Variants in NLRC5 observed in about 807,000 individuals in gnomAD.
NLRC5 encodes the protein NLR family CARD domain containing 5.
In NLRC5, 114 loss-of-function variants were observed where a neutral mutation model predicts 206.9. The observed-to-expected ratio is 0.55, with a 90% CI of 0.47 to 0.64. The LOEUF (loss-of-function observed/expected upper bound fraction) is 0.64, where lower values mean the gene tolerates loss of function less well. NLRC5 is among the 30% of genes least tolerant of loss of function. The probability of loss-of-function intolerance (pLI) is 0.00; values close to 1 mark genes in which losing one functional copy is unlikely to be tolerated. For synonymous variants in NLRC5, 952 were observed against 962.8 expected, an observed-to-expected ratio of 0.99 and a Z score of 0.21; for missense variants, 2,008 against 2,305.5, an observed-to-expected ratio of 0.87 and a Z score of 2.64.
chr16:57,018,817 AC>A (rs1860156791), intron 2 of NLRC5, among the ~76,000 whole-genome samples: 1 of 152,240 alleles, frequency 6.6e-6, no homozygotes, highest in South Asian at 2.1e-4. Context: ...ACCAGAAAGT[AC>A]ATCCGGAAAT....
chr16:57,060,024 G>GTTATTATTATTATTATTA (rs3995823), intron 30 of NLRC5, among the ~76,000 whole-genome samples: 1 of 144,884 alleles, frequency 6.9e-6, no homozygotes, highest in Admixed American at 6.9e-5. Flanking sequence ...TATTGTAACT[G>GTTATTATTATTATTATTA]TTATTATTAT....
chr16:57,056,387 C>A (rs2065662176), intron 27 of NLRC5, among the ~76,000 whole-genome samples: 1 of 151,636 alleles, frequency 6.6e-6, no homozygotes, highest in Non-Finnish European at 1.5e-5. Flanking sequence ...AACTCCTGGG[C>A]TCAAGCGATC....
intron 1 of NLRC5, chr16:57,013,579 A>G (rs1425595171): frequency 2.1e-5 from 23 of 1,108,412 alleles, no homozygotes; most frequent in Non-Finnish European, 2.9e-5. Flanking sequence ...TAAGTACCCA[A>G]AGTTTCTCAA....
intron 43 of NLRC5, 62 bp downstream of exon 43, chr16:57,078,082 G>GC (rs1251963025): frequency 2.3e-6 from 3 of 1,283,066 alleles, no homozygotes; most frequent in African/African-American, 3.1e-5. Context: ...CGGGAGCAGT[G>GC]GGGGGGTCCA....
rs184159946 is a variant in NLRC5, at chr16:57,063,761, C to T, written c.4155-1451C>T. On this transcript the variant is annotated intron_variant, in intron 32 of 48. Transcript: ENST00000688547. The stretch of plus-strand genomic sequence containing the variant: ...CCAAAATAACTTTTTTTTTTTGAGA[C>T]GGAGTCTCGCTCTGTTGCCCAGGTT... Among the ~76,000 whole-genome samples, 608 of 151,640 alleles carry T rather than the reference C, an allele frequency of 4.0e-3. 1 individual carries two copies. The highest frequency in any genetic ancestry group is 0.017 in the South Asian group (82 of 4,814).
intron 8 of NLRC5, among the ~76,000 whole-genome samples, chr16:57,029,453 A>G (rs2061568198): frequency 6.6e-6 from 1 of 152,170 alleles, no homozygotes; most frequent in Non-Finnish European, 1.5e-5. Flanking sequence ...TCCCAGGCAC[A>G]TCCCAGGCAT....
chr16:57,061,913 C>T, intron 32 of NLRC5: 8 of 1,516,904 alleles, frequency 5.3e-6, no homozygotes, highest in Non-Finnish European at 7.0e-6. Context: ...GAGGCCTGTG[C>T]TTTGGGATTT....
At chr16:57,078,447 C>G (rs2068686418) in intron 43 of NLRC5, among the ~76,000 whole-genome samples, 2 of 149,204 alleles carry the variant, frequency 1.3e-5, no homozygotes, top group South Asian at 4.2e-4. Flanking sequence ...CCCCCAGAGT[C>G]CCAGAGTGCT....
chr16:57,028,255 C>G, intron 7 of NLRC5, 47 bp from the exon 8 acceptor site: 6 of 1,592,616 alleles, frequency 3.8e-6, no homozygotes, highest in Non-Finnish European at 5.2e-6. Flanking sequence ...CTGGCCCCGC[C>G]CTTTTCCCCT....
chr16:57,064,870 T>C (rs1300166538), intron 32 of NLRC5, among the ~76,000 whole-genome samples: 1 of 152,032 alleles, frequency 6.6e-6, no homozygotes, highest in East Asian at 1.9e-4. Context: ...GTTGCAGTGA[T>C]CTGAGATCAT....
At position 57,061,632 on chromosome 16, in the gene NLRC5, G is replaced by A. The variant is rs2066499615; in HGVS notation, c.4085G>A (p.Cys1362Tyr). Residue 1362 changes from cysteine (C) to tyrosine (Y), a missense_variant, in exon 32 of 49, where the codon TGC (cysteine) becomes TAC (tyrosine). Physicochemically the swap from Cys to Tyr is radical, Grantham distance 194. Transcript: ENST00000688547. ...QLTELTLTQC[C>Y]LGQKQLAILL... is the part of the protein sequence containing the mutation. ...TCTGTCTCCAGGCTGACCCAGTGCTGCCTGGGCCAGAAGCAGCTGGCCATC... is the reference window on the plus strand; with the variant it reads ...TCTGTCTCCAGGCTGACCCAGTGCTACCTGGGCCAGAAGCAGCTGGCCATC... 6.2e-7 allele frequency: 1 copy of A among 1,610,282 alleles called. No homozygotes were observed. The highest frequency in any genetic ancestry group is 8.5e-7 in the Non-Finnish European group (1 of 1,179,290).
chr16:56,993,204 A>G (rs2057177116), intron 1 of NLRC5, among the ~76,000 whole-genome samples: 1 of 139,480 alleles, frequency 7.2e-6, no homozygotes, highest in African/African-American at 2.5e-5. Flanking sequence ...CCTTCTCACA[A>G]ATGGCAGTGT....
chr16:57,011,008 C>T (rs117910159), intron 1 of NLRC5, among the ~76,000 whole-genome samples: 6,499 of 152,232 alleles, frequency 0.043, 221 homozygotes, highest in Middle Eastern at 0.082. Flanking sequence ...GCCCAGACCC[C>T]TCCTCAGACA....
In NLRC5 at chr16:57,037,398, G is replaced by C; in HGVS notation, c.2801+114G>C. ...GGGACGGGCAGAAGATGCTGCTGCT[G>C]TCCCACCCAGACCCCGTTACAGCCG... On this transcript the variant is annotated intron_variant, in intron 15 of 48. Transcript: ENST00000688547. The C allele has an allele frequency of 3.2e-6, 3 of 931,732 alleles. No homozygotes were observed. The South Asian group carries it at 4.1e-5, about 13-fold the overall frequency. The allele number at this position is 931,732 out of a possible 1,614,324, so 57.7% of individuals were successfully genotyped here.
Position 57,020,734 on chromosome 16 carries a change from C to T in NLRC5, c.22C>T (p.Leu8Phe). Residue 8 changes from leucine to phenylalanine, a missense_variant, in exon 3 of 49, where the codon CTC becomes TTC. By Grantham distance (22) the Leu-to-Phe change is conservative. Coordinates refer to ENST00000688547, the MANE Select transcript of NLRC5 (RefSeq NM_001384950.1). The stretch of plus-strand genomic sequence containing the variant: ...CCTCATGGACCCCGTTGGCCTCCAG[C>T]TCGGCAACAAGAACCTGTGGAGCTG... MDPVGLQ[L>F]GNKNLWSCLV... The T allele has an allele frequency of 6.2e-7, 1 of 1,611,438 alleles. No homozygotes were observed. Among genetic ancestry groups the T allele is most frequent in the Non-Finnish European group, 8.5e-7 (1 of 1,179,506 alleles).
Position 57,026,963 on chromosome 16 carries a change from C to T in NLRC5, c.2020C>T (p.Leu674=). The T allele has an allele frequency of 6.2e-7, 1 of 1,614,158 alleles. No homozygotes were observed. Among genetic ancestry groups the T allele is most frequent in the East Asian group, 2.2e-5 (1 of 44,880 alleles). ...PIHLDFDGCP[L]EPHCPEALVG... ...CCACCTGGATTTTGATGGCTGTCCC[C>T]TGGAGCCCCACTGCCCTGAGGCTCT... Residue 674 remains leucine, a synonymous_variant, in exon 6 of 49, where the codon CTG becomes TTG. Transcript: ENST00000688547.
At chr16:57,012,903 G>T (rs1370585237) in intron 1 of NLRC5, among the ~76,000 whole-genome samples, 1 of 152,114 alleles carries the variant, frequency 6.6e-6, no homozygotes, top group African/African-American at 2.4e-5. Flanking sequence ...TTCTATGTGG[G>T]TGTGAAATGC....
chr16:57,007,078 G>T (rs991963841), intron 1 of NLRC5, among the ~76,000 whole-genome samples: 2 of 151,964 alleles, frequency 1.3e-5, no homozygotes, highest in Non-Finnish European at 2.9e-5. Context: ...ATCAAAATGT[G>T]CACATTAAAA....
At chr16:57,062,003 T>C in intron 32 of NLRC5, 2 of 1,451,876 alleles carry the variant, frequency 1.4e-6, no homozygotes, top group Non-Finnish European at 1.8e-6. Flanking sequence ...AACGAAGTTC[T>C]TGTCTGTCTG....
Sources: allele counts gnomAD v4.1 joint callset (sites outside exome capture counted in the v4.1 genomes callset), GRCh38; gene constraint gnomAD v4.1.1; transcripts MANE v1.5; gene names NCBI Gene and HGNC (gene_info 2026-07-23, HGNC 2026-07-21).